Variants in CCDC138 observed in about 807,000 individuals in gnomAD.
The protein encoded by CCDC138 is coiled-coil domain-containing protein 138.
In CCDC138, 66 loss-of-function variants were observed where a neutral mutation model predicts 82.3. The ratio of observed to expected loss-of-function variants is 0.80; its 90% CI spans 0.66 to 0.98. The LOEUF (loss-of-function observed/expected upper bound fraction) is 0.98, where lower values mean the gene tolerates loss of function less well. Ranked by LOEUF, CCDC138 falls within the 50% of genes least tolerant of loss-of-function variation. The pLI, the probability that CCDC138 is intolerant of heterozygous loss-of-function variation, is 0.00. For synonymous variants in CCDC138, 297 were observed against 265.4 expected, an observed-to-expected ratio of 1.12 and a Z score of -1.16; for missense variants, 816 against 758.9, an observed-to-expected ratio of 1.08 and a Z score of -0.88.
At chr2:108,873,160 A>C (rs9308808) in intron 13 of CCDC138, among the ~76,000 whole-genome samples, 13,419 of 152,184 alleles carry the variant, frequency 0.088, 813 homozygotes, top group African/African-American at 0.16. Flanking sequence ...TTACGAACTT[A>C]CTGAAGAAAT....
chr2:108,871,935 G>A (rs556475164), intron 13 of CCDC138, among the ~76,000 whole-genome samples: 1 of 152,196 alleles, frequency 6.6e-6, no homozygotes, highest in East Asian at 1.9e-4. Flanking sequence ...ATCAAGACTA[G>A]TCCTTTTACT....
chr2:108,879,917 A>G (rs1033030646), downstream of CCDC138, among the ~76,000 whole-genome samples: 2 of 152,206 alleles, frequency 1.3e-5, no homozygotes, highest in Non-Finnish European at 2.9e-5. Context: ...ACAATGTAAA[A>G]TAGAAGATTT....
At position 108,806,806 on chromosome 2, in the gene CCDC138, A is replaced by G. The variant is rs115078508; in HGVS notation, c.855+1798A>G. Among the ~76,000 whole-genome samples, 763 of 152,332 alleles carry G rather than the reference A, an allele frequency of 5.0e-3. 4 individuals are homozygous for G. The highest frequency in any genetic ancestry group is 0.021 in the South Asian group (102 of 4,830). Reference sequence around the variant, plus strand: ...TGCTAACACTGGATATACATTTTCTAATAATTTAAAAGCATTTCTCATTAA... The same window carrying G: ...TGCTAACACTGGATATACATTTTCTGATAATTTAAAAGCATTTCTCATTAA... On this transcript the variant is annotated intron_variant, in intron 7 of 14. Transcript: ENST00000295124.
At chr2:108,855,568 A>G (rs1306995516) in intron 12 of CCDC138, among the ~76,000 whole-genome samples, 1 of 152,142 alleles carries the variant, frequency 6.6e-6, no homozygotes, top group Non-Finnish European at 1.5e-5. Context: ...AACTTAATAC[A>G]CATTTATTTA....
Position 108,831,624 on chromosome 2 carries a change from T to C in CCDC138, c.1207-7561T>C, listed in dbSNP as rs1455662105. ...AATTTTAGCACACATCAGAATCTCT[T>C]GCAGGACTTGTTAAAACTCAGGTTC... On this transcript the variant is annotated intron_variant, in intron 10 of 14. Coordinates refer to ENST00000295124, the MANE Select transcript of CCDC138 (RefSeq NM_144978.3). Among the ~76,000 whole-genome samples, 4 of 152,298 alleles carry C rather than the reference T, an allele frequency of 2.6e-5. No individual in the cohort carries two copies. In the East Asian group the frequency reaches 7.7e-4, roughly 29 times the overall value.
At chr2:108,832,564 C>T (rs572977274) in intron 10 of CCDC138, among the ~76,000 whole-genome samples, 1 of 152,240 alleles carries the variant, frequency 6.6e-6, no homozygotes, top group Admixed American at 6.5e-5. Context: ...TCAGGCTGGT[C>T]TGGAACTCCT....
chr2:108,873,979 C>T (rs187644528), intron 14 of CCDC138, among the ~76,000 whole-genome samples: 26 of 152,060 alleles, frequency 1.7e-4, no homozygotes, highest in Non-Finnish European at 2.8e-4. Context: ...GATCTAAGAC[C>T]ACATATTTAG....
chr2:108,840,941 A>G (rs1443353689), intron 11 of CCDC138, among the ~76,000 whole-genome samples: 5 of 151,952 alleles, frequency 3.3e-5, no homozygotes, highest in Non-Finnish European at 7.4e-5. Flanking sequence ...CCTCCCAAGT[A>G]GCTGGGATTA....
At chr2:108,883,926 T>G (rs551376056) in intron 2 of CCDC138, 24 of 135,538 alleles carry the variant, frequency 1.8e-4, no homozygotes, top group African/African-American at 6.3e-4. Flanking sequence ...CTTGTTTTGA[T>G]TTTTTGTTTG....
At chr2:108,847,843 A>G (rs1463753627) in intron 12 of CCDC138, among the ~76,000 whole-genome samples, 1 of 152,242 alleles carries the variant, frequency 6.6e-6, no homozygotes, top group Non-Finnish European at 1.5e-5. Flanking sequence ...AAAAAACCAT[A>G]TAACTGCCTT....
chr2:108,869,561 G>A (rs1323715529), intron 13 of CCDC138, among the ~76,000 whole-genome samples: 1 of 152,150 alleles, frequency 6.6e-6, no homozygotes, highest in African/African-American at 2.4e-5. Flanking sequence ...GGAGACTACA[G>A]ACCTGTGGAT....
chr2:108,790,588 G>C (rs947323728), intron 3 of CCDC138, among the ~76,000 whole-genome samples: 5 of 152,186 alleles, frequency 3.3e-5, no homozygotes, highest in Non-Finnish European at 7.3e-5. Context: ...TGTAGTCCCA[G>C]CTACTCGGGA....
chr2:108,813,994 G>T (rs1367759082), intron 9 of CCDC138, among the ~76,000 whole-genome samples: 1 of 152,110 alleles, frequency 6.6e-6, no homozygotes, highest in African/African-American at 2.4e-5. Flanking sequence ...TTCTTCTGTT[G>T]ATAGACACCT....
rs1327657418 is a variant in CCDC138 at position 108,802,107 on chromosome 2, T to C, written c.736-2782T>C. ...TTTTGGCTTAGGATTGACTTGGCGA[T>C]GCGGGCTCTTTTTTGGTTCCATATG... On this transcript the variant is annotated intron_variant, in intron 6 of 14. Transcript: ENST00000295124. 6.3e-3 allele frequency among the ~76,000 whole-genome samples: 910 copies of C among 144,578 alleles called. 4 individuals carry two copies. Among genetic ancestry groups the C allele is most frequent in the African/African-American group, 0.023 (876 of 38,174 alleles). 94.8% of individuals were successfully genotyped at this position (144,578 alleles called of 152,430 possible).
chr2:108,797,853 GGAGA>G (rs757700040), intron 5 of CCDC138, among the ~76,000 whole-genome samples: 7 of 152,058 alleles, frequency 4.6e-5, no homozygotes, highest in Non-Finnish European at 2.9e-5. Flanking sequence ...GGAGAATGAG[GGAGA>G]GAGAGTTGGC....
intron 12 of CCDC138, among the ~76,000 whole-genome samples, chr2:108,848,350 T>C (rs1036556247): frequency 6.6e-6 from 1 of 152,130 alleles, no homozygotes; most frequent in East Asian, 1.9e-4. Context: ...TAATGAGCCA[T>C]GAAAAAATGA....
chr2:108,833,270 G>A (rs1454207485), intron 10 of CCDC138, among the ~76,000 whole-genome samples: 2 of 152,172 alleles, frequency 1.3e-5, no homozygotes. Flanking sequence ...GTATGTCAGT[G>A]TTAACAACTG....
chr2:108,837,969 G>C (rs1688847093), intron 10 of CCDC138, among the ~76,000 whole-genome samples: 1 of 151,704 alleles, frequency 6.6e-6, no homozygotes, highest in South Asian at 2.1e-4. Flanking sequence ...ATGGTAGGAA[G>C]ACAGGAGTCA....
intron 13 of CCDC138, among the ~76,000 whole-genome samples, chr2:108,864,598 G>C (rs4676211): frequency 0.9 from 137,319 of 152,162 alleles, 62,028 homozygotes; most frequent in East Asian, 1. Context: ...GAGATCGAGA[G>C]CAGCCTGGCT....
Sources: gnomAD v4.1 joint callset for allele counts (sites outside exome capture counted in the v4.1 genomes callset) on GRCh38, gnomAD v4.1.1 for gene constraint, MANE v1.5 for transcripts, NCBI Gene and HGNC (gene_info 2026-07-23, HGNC 2026-07-21) for gene names.